Variants in WDR70 observed in about 807,000 individuals in gnomAD.
WDR70 encodes the protein WD repeat domain 70, also known as WD repeat-containing protein 70.
A neutral mutation model predicts 88.6 loss-of-function variants in WDR70; 53 were observed. The ratio of observed to expected loss-of-function variants is 0.60; its 90% CI spans 0.48 to 0.75. The LOEUF (loss-of-function observed/expected upper bound fraction) is 0.75. Among genes scored for constraint, WDR70 ranks in the 30% least tolerant of loss-of-function variants. WDR70 has a pLI of 0.00. For synonymous variants in WDR70, 280 were observed against 270.0 expected (o/e 1.04, Z -0.36); for missense variants, 610 against 823.2 (o/e 0.74, Z 3.17).
At chr5:37,639,924 A>G (rs1261516412) in intron 10 of WDR70, among the ~76,000 whole-genome samples, 1 of 152,154 alleles carries the variant, frequency 6.6e-6, no homozygotes, top group Non-Finnish European at 1.5e-5. Context: ...AATTTTCACC[A>G]CAGCTCACTG....
chr5:37,709,421 A>G (rs1364392323), intron 13 of WDR70, among the ~76,000 whole-genome samples: 10 of 152,222 alleles, frequency 6.6e-5, no homozygotes, highest in Non-Finnish European at 1.3e-4. Flanking sequence ...TAATAAAAAT[A>G]TTATATTTGC....
intron 8 of WDR70, among the ~76,000 whole-genome samples, chr5:37,481,398 T>A (rs1279155934): frequency 6.6e-6 from 1 of 152,194 alleles, no homozygotes; most frequent in Non-Finnish European, 1.5e-5. Flanking sequence ...TTCTGAAATC[T>A]AGGCGGAGGT....
At chr5:37,483,963 CG>C (rs1235075047) in intron 8 of WDR70, among the ~76,000 whole-genome samples, 2 of 151,236 alleles carry the variant, frequency 1.3e-5, no homozygotes, top group African/African-American at 4.9e-5. Context: ...GACGGGGCGG[CG>C]GGGCAGAGGC....
intron 7 of WDR70, among the ~76,000 whole-genome samples, chr5:37,456,208 C>G (rs1366555597): frequency 6.6e-6 from 1 of 152,146 alleles, no homozygotes; most frequent in Non-Finnish European, 1.5e-5. Flanking sequence ...ATTTTGCTTT[C>G]TTAGTGGCAA....
chr5:37,551,493 G>A (rs552263365), intron 9 of WDR70, among the ~76,000 whole-genome samples: 1 of 151,700 alleles, frequency 6.6e-6, no homozygotes. Flanking sequence ...ACTTTGGGAG[G>A]CCGAGGCAGG....
Position 37,564,015 on chromosome 5 carries a change from G to A in WDR70, c.918-41049G>A, listed in dbSNP as rs1211445808. ...TCACTTCCTAGATGGGATGGCGGCC[G>A]GGCAGAGACGCTCCTCACTTTCCAG... is the stretch of plus-strand genomic sequence containing the variant. On this transcript the variant is annotated intron_variant, in intron 9 of 17. Transcript: ENST00000265107. 4.7e-5 allele frequency among the ~76,000 whole-genome samples: 7 copies of A among 149,628 alleles called. No homozygotes were observed. The South Asian group carries it at 1.3e-3, about 28-fold the overall frequency.
chr5:37,677,592 C>T (rs1366873995), intron 10 of WDR70, among the ~76,000 whole-genome samples: 1 of 152,120 alleles, frequency 6.6e-6, no homozygotes, highest in East Asian at 1.9e-4. Flanking sequence ...GCACTGTGGT[C>T]TGAGAGACAG....
intron 5 of WDR70, among the ~76,000 whole-genome samples, chr5:37,419,982 G>GC (rs1415925719): frequency 5.9e-5 from 9 of 152,000 alleles, no homozygotes; most frequent in African/African-American, 9.7e-5. Flanking sequence ...CAAGTGATCT[G>GC]CCCCCCTCAG....
At chr5:37,462,507 T>A (rs941177147) in intron 7 of WDR70, among the ~76,000 whole-genome samples, 8 of 152,158 alleles carry the variant, frequency 5.3e-5, no homozygotes, top group Non-Finnish European at 1.2e-4. Flanking sequence ...TTTCACCGTG[T>A]TAGTTAGGAT....
intron 5 of WDR70, among the ~76,000 whole-genome samples, chr5:37,434,531 G>A (rs1363169597): frequency 1.3e-5 from 2 of 152,160 alleles, no homozygotes; most frequent in East Asian, 3.8e-4. Context: ...CAACTTTGTA[G>A]CAGATCTTTG....
At chr5:37,443,445 T>C in intron 7 of WDR70, 73 bp downstream of exon 7, 2 of 1,537,394 alleles carry the variant, frequency 1.3e-6, no homozygotes, top group Non-Finnish European at 1.8e-6. Flanking sequence ...GCTGTTGGCT[T>C]TGGAATCCCA....
At chr5:37,437,373 AATAG>A (rs1401355824) in intron 5 of WDR70, among the ~76,000 whole-genome samples, 2 of 152,156 alleles carry the variant, frequency 1.3e-5, no homozygotes, top group African/African-American at 4.8e-5. Context: ...TATGCCCCAG[AATAG>A]ATAGAGAACT....
Position 37,413,860 on chromosome 5 carries a change from A to T in WDR70, c.492+17290A>T, listed in dbSNP as rs1460149532. ...CCAAACTTTTGAAAATATATATCAGATCTTGCCGGGCACAGTGGCTCACGT... is the reference window on the plus strand; with the variant it reads ...CCAAACTTTTGAAAATATATATCAGTTCTTGCCGGGCACAGTGGCTCACGT... On this transcript the variant is annotated intron_variant, in intron 5 of 17. Transcript: ENST00000265107. 2.0e-5 allele frequency among the ~76,000 whole-genome samples: 3 copies of T among 150,260 alleles called. No homozygotes were observed. The East Asian group carries it at 6.1e-4, about 30-fold the overall frequency.
At chr5:37,563,368 A>C (rs1742595607) in intron 9 of WDR70, among the ~76,000 whole-genome samples, 1 of 49,250 alleles carries the variant, frequency 2.0e-5, no homozygotes, top group South Asian at 9.8e-4. Flanking sequence ...TCTTCCCAGT[A>C]GGGGCGGCCG....
chr5:37,585,472 C>T (rs895623736), intron 9 of WDR70, among the ~76,000 whole-genome samples: 14 of 152,324 alleles, frequency 9.2e-5, no homozygotes, highest in African/African-American at 3.1e-4. Flanking sequence ...CAGAATTCTT[C>T]TCTTTGTTCT....
chr5:37,752,555 G>T lies in WDR70; in HGVS notation c.1947G>T (p.Trp649Cys), dbSNP rs150309892. The change falls in exon 18 of 18, where the codon TGG becomes TGT. Residue 649 changes from tryptophan (W) to cysteine (C), a missense_variant. Physicochemically the swap from Trp to Cys is radical, Grantham distance 215. This residue lies in a region of WDR70 where 70 missense variants were observed against 139.2 expected (regional missense o/e 0.50). Transcript: ENST00000265107. ...DDEEAKNEPEWKKRKI is the reference protein window; with the variant it reads ...DDEEAKNEPECKKRKI ...AGGAAGCAAAGAATGAGCCAGAATG[G>T]AAAAAACGTAAAATTTGAAGAATCT... The T allele has an allele frequency of 6.2e-7, 1 of 1,612,084 alleles. No individual in the cohort carries two copies. Among genetic ancestry groups the T allele is most frequent in the Admixed American group, 1.7e-5 (1 of 59,818 alleles).
At chr5:37,445,982 A>G (rs1398887440) in intron 7 of WDR70, among the ~76,000 whole-genome samples, 2 of 152,188 alleles carry the variant, frequency 1.3e-5, no homozygotes, top group Non-Finnish European at 2.9e-5. Flanking sequence ...TCAGTTAGAA[A>G]AAGAGGAATT....
intron 13 of WDR70, among the ~76,000 whole-genome samples, chr5:37,706,677 C>T (rs1458735735): frequency 6.6e-6 from 1 of 151,464 alleles, no homozygotes; most frequent in African/African-American, 2.4e-5. Flanking sequence ...ATATCTCAGT[C>T]TAGGGTATAT....
chr5:37,655,299 A>G (rs908116778), intron 10 of WDR70, among the ~76,000 whole-genome samples: 2 of 152,232 alleles, frequency 1.3e-5, no homozygotes, highest in Non-Finnish European at 2.9e-5. Flanking sequence ...GTGTTTCTGC[A>G]GAGAGATGCG....
Sources: gnomAD v4.1 joint callset for allele counts (sites outside exome capture counted in the v4.1 genomes callset) on GRCh38, gnomAD v4.1.1 for gene constraint, gnomAD v4.1.1 regional missense constraint, MANE v1.5 for transcripts, NCBI Gene and HGNC (gene_info 2026-07-23, HGNC 2026-07-21) for gene names.